Variants in NCAM2 observed in about 807,000 individuals in gnomAD.
The protein encoded by NCAM2 is N-CAM-2.
NCAM2 carries 30 observed loss-of-function variants against 98.1 expected under a neutral mutation model. The ratio of observed to expected loss-of-function variants is 0.31; its 90% CI spans 0.23 to 0.41. NCAM2 has a LOEUF of 0.41. NCAM2 is among the 10% of genes least tolerant of loss of function. The pLI, the probability that NCAM2 is intolerant of heterozygous loss-of-function variation, is 1.00. For synonymous variants in NCAM2, 368 were observed against 342.4 expected (o/e 1.07, Z -0.83); for missense variants, 867 against 1,005.8 (o/e 0.86, Z 1.87).
At chr21:21,051,412 C>G (rs570930362) in intron 1 of NCAM2, among the ~76,000 whole-genome samples, 3 of 152,152 alleles carry the variant, frequency 2.0e-5, no homozygotes, top group Non-Finnish European at 2.9e-5. Flanking sequence ...AGTTTGTATC[C>G]AGGAAACCCA....
rs1179377042 is a variant in NCAM2, at chr21:21,540,683, CA to C, written c.*2730del. The stretch of plus-strand genomic sequence containing the variant: ...ACTCTTAAATATTAGTATAAAGTGT[CA>C]AAAGAATTGACTGAATATAAGTACT... On this transcript the variant is annotated 3_prime_UTR_variant, in exon 18 of 18. Transcript: ENST00000400546. 3 of 151,786 alleles carry C rather than the reference CA, an allele frequency of 2.0e-5. No homozygotes were observed. Among genetic ancestry groups the C allele is most frequent in the Non-Finnish European group, 4.4e-5 (3 of 67,888 alleles). The allele number at this position is 151,786 out of a possible 1,614,324, so 9.4% of individuals were successfully genotyped here. A position where few individuals can be genotyped will look rare whatever the true frequency, so the allele number is the denominator to read the frequency against.
chr21:21,461,582 G>A (rs1337383276), intron 12 of NCAM2, among the ~76,000 whole-genome samples: 1 of 151,654 alleles, frequency 6.6e-6, no homozygotes, highest in Non-Finnish European at 1.5e-5. Context: ...TCTTTCCACT[G>A]TTCATCAAAA....
intron 1 of NCAM2, among the ~76,000 whole-genome samples, chr21:21,022,430 A>G (rs888286862): frequency 4.6e-5 from 7 of 152,102 alleles, no homozygotes; most frequent in Non-Finnish European, 1.0e-4. Flanking sequence ...GCCTAACTAA[A>G]TTATTTTAAT....
At chr21:21,410,629 TGA>T (rs1314005295) in intron 10 of NCAM2, among the ~76,000 whole-genome samples, 168 bp downstream of exon 10, 1 of 152,080 alleles carries the variant, frequency 6.6e-6, no homozygotes, top group African/African-American at 2.4e-5. Flanking sequence ...TCATTAATGA[TGA>T]GTGTATGAAT....
intron 1 of NCAM2, among the ~76,000 whole-genome samples, chr21:21,067,106 A>G (rs1277607012): frequency 6.6e-6 from 1 of 151,564 alleles, no homozygotes; most frequent in East Asian, 1.9e-4. Flanking sequence ...TTGCTAATAT[A>G]CTTAATGTTT....
intron 8 of NCAM2, among the ~76,000 whole-genome samples, chr21:21,345,120 T>G (rs2075152536): frequency 1.3e-5 from 2 of 152,006 alleles, no homozygotes; most frequent in Admixed American, 6.6e-5. Flanking sequence ...TACCCAAGGT[T>G]TTTCAAATAT....
chr21:21,528,969 G>A (rs188104315), intron 16 of NCAM2, among the ~76,000 whole-genome samples: 1 of 152,076 alleles, frequency 6.6e-6, no homozygotes, highest in African/African-American at 2.4e-5. Flanking sequence ...GAAACAAATG[G>A]CACACAGATT....
intron 1 of NCAM2, among the ~76,000 whole-genome samples, chr21:21,221,522 T>C (rs984116873): frequency 4.6e-5 from 7 of 152,192 alleles, no homozygotes; most frequent in African/African-American, 1.7e-4. Context: ...AAAACAGCTT[T>C]ATTGCTAATA....
rs558729088 is a variant in NCAM2, at chr21:21,539,173, T to C, written c.*1216T>C. 8.5e-5 allele frequency: 13 copies of C among 152,204 alleles called. No individual in the cohort carries two copies. The highest frequency in any genetic ancestry group is 1.9e-4 in the Non-Finnish European group (13 of 68,030). The allele number at this position is 152,204 out of a possible 1,614,324, so 9.4% of individuals were successfully genotyped here. On this transcript the variant is annotated 3_prime_UTR_variant, in exon 18 of 18. Transcript: ENST00000400546. ...ACACAAACTTTCTAATATCTTTTGTTAGGGTTATACCAGAATAAAATGCTT... is the reference window on the plus strand; with the variant it reads ...ACACAAACTTTCTAATATCTTTTGTCAGGGTTATACCAGAATAAAATGCTT...
At chr21:21,501,569 T>C (rs956444672) in intron 15 of NCAM2, among the ~76,000 whole-genome samples, 1 of 151,822 alleles carries the variant, frequency 6.6e-6, no homozygotes, top group East Asian at 1.9e-4. Context: ...TGCACTATTT[T>C]ATTAGACAGT....
chr21:21,266,340 G>C (rs1462253145), intron 1 of NCAM2, among the ~76,000 whole-genome samples: 1 of 152,038 alleles, frequency 6.6e-6, no homozygotes, highest in Non-Finnish European at 1.5e-5. Flanking sequence ...CTCTGAGAAT[G>C]ACCATGAGGT....
At chr21:21,464,537 A>C (rs188819068) in intron 12 of NCAM2, among the ~76,000 whole-genome samples, 1 of 152,250 alleles carries the variant, frequency 6.6e-6, no homozygotes, top group African/African-American at 2.4e-5. Context: ...ATTAAAACCA[A>C]ACAAAATGCT....
intron 12 of NCAM2, among the ~76,000 whole-genome samples, chr21:21,458,152 C>T (rs1189317544): frequency 1.3e-5 from 2 of 152,214 alleles, no homozygotes; most frequent in Non-Finnish European, 2.9e-5. Flanking sequence ...ACATCGTGGG[C>T]TCTGCTCCTG....
chr21:21,324,263 T>G, intron 5 of NCAM2, 120 bp from the exon 6 acceptor site: 2 of 632,690 alleles, frequency 3.2e-6, no homozygotes, highest in Admixed American at 2.6e-5. Flanking sequence ...TCAGTTTCAT[T>G]AATATAAATG....
intron 1 of NCAM2, chr21:21,147,014 C>T (rs1236842746): frequency 1.2e-6 from 1 of 812,902 alleles, no homozygotes; most frequent in African/African-American, 2.7e-5. Flanking sequence ...AGTGGACTTC[C>T]TGAAATCTCG....
intron 1 of NCAM2, among the ~76,000 whole-genome samples, chr21:21,081,963 C>T (rs1004384144): frequency 2.0e-5 from 3 of 151,622 alleles, no homozygotes; most frequent in Admixed American, 6.6e-5. Flanking sequence ...TTGGGCCGGG[C>T]GCGGTGGCTC....
At chr21:21,520,341 T>A (rs530293585) in intron 16 of NCAM2, among the ~76,000 whole-genome samples, 2 of 152,242 alleles carry the variant, frequency 1.3e-5, no homozygotes, top group South Asian at 4.1e-4. Context: ...TACCTACTCA[T>A]ATTTATGTAA....
chr21:21,200,934 T>C (rs1459040506), intron 1 of NCAM2, among the ~76,000 whole-genome samples: 1 of 152,106 alleles, frequency 6.6e-6, no homozygotes, highest in Non-Finnish European at 1.5e-5. Context: ...TGTGTATAGA[T>C]CTTCTCCAAC....
chr21:21,399,984 G>C (rs1193176129), intron 9 of NCAM2, among the ~76,000 whole-genome samples: 1 of 152,060 alleles, frequency 6.6e-6, no homozygotes, highest in African/African-American at 2.4e-5. Flanking sequence ...CTGACTCCAA[G>C]TTCACCTCTA....
Sources: allele counts gnomAD v4.1 joint callset (sites outside exome capture counted in the v4.1 genomes callset), GRCh38; gene constraint gnomAD v4.1.1; transcripts MANE v1.5; gene names NCBI Gene and HGNC (gene_info 2026-07-23, HGNC 2026-07-21).